TMEM161B: variants seen among roughly 807,000 people sequenced by gnomAD.
TMEM161B encodes the protein transmembrane protein 161B.
In TMEM161B, 34 loss-of-function variants were observed where a neutral mutation model predicts 61.8. The observed-to-expected ratio is 0.55, with a 90% CI of 0.42 to 0.73. TMEM161B has a LOEUF of 0.73. Among genes scored for constraint, TMEM161B ranks in the 30% least tolerant of loss-of-function variants. TMEM161B has a pLI of 0.00. For missense variants in TMEM161B, 456 were observed against 558.5 expected (o/e 0.82, Z 1.85); for synonymous variants, 167 against 192.8 (o/e 0.87, Z 1.11).
At chr5:88,245,990 T>C (rs1379963006) in intron 1 of TMEM161B, among the ~76,000 whole-genome samples, 5 of 151,900 alleles carry the variant, frequency 3.3e-5, no homozygotes, top group Admixed American at 3.3e-4. Context: ...ACTCAGAGAC[T>C]GATCAAACAT....
chr5:88,228,626 A>G lies in TMEM161B; in HGVS notation c.108-98T>C, dbSNP rs1172270148. On this transcript the variant is annotated intron_variant, in intron 2 of 11. Transcript: ENST00000296595. ...TATTAAGTTTCATATTTGTGAAGAC[A>G]CTGTCGAGAAATATCAGGTGAAAAC... 26 of 870,078 alleles carry G rather than the reference A, an allele frequency of 3.0e-5. No homozygotes were observed. The Admixed American group carries it at 8.0e-4, about 27-fold the overall frequency. The allele number at this position is 870,078 out of a possible 1,614,324, so 53.9% of individuals were successfully genotyped here. A position where few individuals can be genotyped will look rare whatever the true frequency, so the allele number is the denominator to read the frequency against.
downstream of TMEM161B, among the ~76,000 whole-genome samples, chr5:88,188,295 T>A (rs1238926021): frequency 1.6e-5 from 2 of 127,582 alleles, no homozygotes; most frequent in Admixed American, 7.9e-5. Flanking sequence ...TTTTTTTTTT[T>A]AGTAGGGACA....
intron 1 of TMEM161B, among the ~76,000 whole-genome samples, chr5:88,247,585 A>G (rs1382831209): frequency 2.6e-5 from 4 of 152,134 alleles, no homozygotes; most frequent in Non-Finnish European, 5.9e-5. Context: ...TAGAGACAGC[A>G]AGATATGTTG....
downstream of TMEM161B, among the ~76,000 whole-genome samples, chr5:88,192,425 G>A (rs140320794): frequency 7.9e-5 from 12 of 152,088 alleles, no homozygotes; most frequent in African/African-American, 2.7e-4. Flanking sequence ...ATGTGAAAAT[G>A]TTTACCACTT....
At chr5:88,258,280 T>C (rs573452206) in intron 1 of TMEM161B, among the ~76,000 whole-genome samples, 44 of 152,286 alleles carry the variant, frequency 2.9e-4, no homozygotes, top group African/African-American at 1.0e-3. Flanking sequence ...TTCTACTTTT[T>C]CGTAAAGATT....
rs756671409 is a variant in TMEM161B at position 88,199,039 on chromosome 5, T to C, written c.1026A>G (p.Gln342=). The change falls in exon 10 of 12, where the codon CAA becomes CAG. Residue 342 remains glutamine (Q), a synonymous_variant. Coordinates refer to ENST00000296595, the MANE Select transcript of TMEM161B (RefSeq NM_153354.5). ...SHLQAYLNLA[Q]KCVDQMKKEA... ...CTTTCTTCATCTGATCCACACATTTTTGGGCTAAATTTAAATAAGCTTGCA... is the reference window on the plus strand; with the variant it reads ...CTTTCTTCATCTGATCCACACATTTCTGGGCTAAATTTAAATAAGCTTGCA... 1 of 1,613,170 alleles carries C rather than the reference T, an allele frequency of 6.2e-7. No homozygotes were observed. Among genetic ancestry groups the C allele is most frequent in the Non-Finnish European group, 8.5e-7 (1 of 1,179,488 alleles).
chr5:88,203,156 A>G (rs1484362633), intron 8 of TMEM161B, 81 bp from the exon 9 acceptor site: 2 of 815,952 alleles, frequency 2.5e-6, no homozygotes, highest in African/African-American at 1.7e-5. Flanking sequence ...TCTTACTAAA[A>G]TGGAGGTAGG....
At chr5:88,203,750 CATATATAT>C (rs35091076) in intron 8 of TMEM161B, among the ~76,000 whole-genome samples, 7 of 93,788 alleles carry the variant, frequency 7.5e-5, no homozygotes, top group Non-Finnish European at 7.9e-5. Context: ...ATTTCCCTAT[CATATATAT>C]ATATATATAT....
intron 2 of TMEM161B, among the ~76,000 whole-genome samples, chr5:88,229,928 C>T (rs75029484): frequency 6.6e-6 from 1 of 151,738 alleles, no homozygotes; most frequent in Non-Finnish European, 1.5e-5. Context: ...CCAGGTATGG[C>T]GGCTCATACC....
intron 5 of TMEM161B, among the ~76,000 whole-genome samples, chr5:88,213,255 T>C (rs1235281108): frequency 1.3e-5 from 2 of 152,150 alleles, no homozygotes; most frequent in Non-Finnish European, 2.9e-5. Flanking sequence ...TTAATCCTAA[T>C]GACCTATTAA....
intron 1 of TMEM161B, among the ~76,000 whole-genome samples, chr5:88,255,739 G>C (rs1436271832): frequency 2.0e-5 from 3 of 151,782 alleles, no homozygotes; most frequent in Non-Finnish European, 4.4e-5. Flanking sequence ...TAATTTTTTT[G>C]CCATTTTCTA....
At chr5:88,196,842 C>A (rs1213748001) in intron 11 of TMEM161B, among the ~76,000 whole-genome samples, 2 of 152,092 alleles carry the variant, frequency 1.3e-5, no homozygotes, top group African/African-American at 4.8e-5. Context: ...TCTGAGAAAT[C>A]TTTTCTACTT....
At chr5:88,202,696 T>C in intron 9 of TMEM161B, 1 of 385,766 alleles carries the variant, frequency 2.6e-6, no homozygotes, top group Non-Finnish European at 4.7e-6. Flanking sequence ...AGAAAAATGA[T>C]GACGACTGGA....
At position 88,196,170 on chromosome 5, in the gene TMEM161B, T is replaced by A; in HGVS notation, c.*41A>T. The A allele has an allele frequency of 2.6e-6, 4 of 1,556,482 alleles. No homozygotes were observed. The South Asian group carries it at 5.0e-5, about 19-fold the overall frequency. On this transcript the variant is annotated 3_prime_UTR_variant, in exon 12 of 12. Transcript: ENST00000296595. ...CCCTTTAAGGGCACAGATATTTTAATTTAAAGGGTGATTTGGATATGCTTT... is the reference window on the plus strand; with the variant it reads ...CCCTTTAAGGGCACAGATATTTTAAATTAAAGGGTGATTTGGATATGCTTT...
At position 88,196,926 on chromosome 5, in the gene TMEM161B, A is replaced by T. The variant is rs147472620; in HGVS notation, c.1187-438T>A. Among the ~76,000 whole-genome samples, 30 of 152,208 alleles carry T rather than the reference A, an allele frequency of 2.0e-4. No individual in the cohort carries two copies. In the East Asian group the frequency reaches 5.8e-3, roughly 29 times the overall value. ...GAAAACCTATTAATAGCTTCCAAAAATTTATTTCATCATATACTTTCCTAC... is the reference window on the plus strand; with the variant it reads ...GAAAACCTATTAATAGCTTCCAAAATTTTATTTCATCATATACTTTCCTAC... On this transcript the variant is annotated intron_variant, in intron 11 of 11. Coordinates refer to ENST00000296595, the MANE Select transcript of TMEM161B (RefSeq NM_153354.5).
chr5:88,220,749 A>AAAG, intron 4 of TMEM161B, 30 bp from the exon 5 acceptor site: 1 of 1,506,020 alleles, frequency 6.6e-7, no homozygotes, highest in Non-Finnish European at 8.8e-7. Context: ...AAAAAAAAAA[A>AAAG]AAGGTCAAAA....
chr5:88,255,562 T>C (rs1754881970), intron 1 of TMEM161B, among the ~76,000 whole-genome samples: 1 of 152,220 alleles, frequency 6.6e-6, no homozygotes, highest in South Asian at 2.1e-4. Flanking sequence ...TTTCATATAG[T>C]TCATCTTAAT....
chr5:88,243,772 T>G (rs1753140657), intron 1 of TMEM161B, among the ~76,000 whole-genome samples: 1 of 151,992 alleles, frequency 6.6e-6, no homozygotes. Context: ...TTTTGACTTT[T>G]TATTAACAGC....
At chr5:88,231,688 A>G (rs1751014722) in intron 2 of TMEM161B, among the ~76,000 whole-genome samples, 2 of 152,210 alleles carry the variant, frequency 1.3e-5, no homozygotes, top group Non-Finnish European at 2.9e-5. Flanking sequence ...CACTTCCTGA[A>G]TTTATACTGA....
Sources: gnomAD v4.1 joint callset for allele counts (sites outside exome capture counted in the v4.1 genomes callset) on GRCh38, gnomAD v4.1.1 for gene constraint, MANE v1.5 for transcripts, NCBI Gene and HGNC (gene_info 2026-07-23, HGNC 2026-07-21) for gene names.